DLGAP2: variants seen among roughly 807,000 people sequenced by gnomAD.
DLGAP2 encodes the protein DLG associated protein 2, also known as disks large-associated protein 2.
In DLGAP2, 26 loss-of-function variants were observed where a neutral mutation model predicts 100.3. The observed-to-expected ratio is 0.26, with a 90% CI of 0.19 to 0.36. The LOEUF is 0.36. DLGAP2 is among the 10% of genes least tolerant of loss of function. The pLI, the probability that DLGAP2 is intolerant of heterozygous loss-of-function variation, is 1.00. For missense variants in DLGAP2, 1,858 were observed against 1,453.2 expected, an observed-to-expected ratio of 1.28 and a Z score of -4.53; for synonymous variants, 886 against 630.1, an observed-to-expected ratio of 1.41 and a Z score of -6.08.
intron 3 of DLGAP2, among the ~76,000 whole-genome samples, chr8:1,447,498 T>C (rs909305550): frequency 6.6e-6 from 1 of 152,244 alleles, no homozygotes; most frequent in Non-Finnish European, 1.5e-5. Flanking sequence ...CAGTATTTTA[T>C]TGAGGATTTT....
At chr8:794,195 G>A (rs1393117777) in intron 1 of DLGAP2, among the ~76,000 whole-genome samples, 2 of 152,132 alleles carry the variant, frequency 1.3e-5, no homozygotes, top group Non-Finnish European at 2.9e-5. Context: ...TGGCCTGTGG[G>A]TGGGGCGTGT....
intron 4 of DLGAP2, among the ~76,000 whole-genome samples, chr8:1,545,886 C>T (rs150427997): frequency 1.3e-5 from 2 of 151,988 alleles, no homozygotes; most frequent in Non-Finnish European, 2.9e-5. Context: ...AAGTAGGATA[C>T]GTGAGTGGGG....
intron 3 of DLGAP2, among the ~76,000 whole-genome samples, chr8:1,335,025 A>T (rs1801243065): frequency 1.3e-5 from 2 of 152,134 alleles, no homozygotes; most frequent in Admixed American, 1.3e-4. Flanking sequence ...ATCTAAGTAA[A>T]TCGTAGCTGT....
At chr8:1,522,341 C>T (rs1441509855) in intron 4 of DLGAP2, among the ~76,000 whole-genome samples, 2 of 152,198 alleles carry the variant, frequency 1.3e-5, no homozygotes, top group African/African-American at 2.4e-5. Context: ...TTGCTGAAAG[C>T]CGAAACAGCT....
intron 2 of DLGAP2, among the ~76,000 whole-genome samples, chr8:1,141,249 C>T (rs1037063592): frequency 3.3e-5 from 5 of 152,202 alleles, no homozygotes; most frequent in East Asian, 1.9e-4. Flanking sequence ...GAAAGGTGTT[C>T]GTTTCAACTG....
intron 2 of DLGAP2, among the ~76,000 whole-genome samples, chr8:1,157,586 C>G (rs1796815516): frequency 6.6e-6 from 1 of 152,176 alleles, no homozygotes; most frequent in Non-Finnish European, 1.5e-5. Flanking sequence ...GCAAGACCAG[C>G]CAACGGTGGC....
At chr8:1,592,292 C>T (rs775160403) in intron 6 of DLGAP2, among the ~76,000 whole-genome samples, 10 of 152,256 alleles carry the variant, frequency 6.6e-5, no homozygotes, top group Middle Eastern at 3.4e-3. Flanking sequence ...TGATTATGTT[C>T]GATTATGTTC....
At chr8:851,349 G>A (rs77724653) in intron 1 of DLGAP2, among the ~76,000 whole-genome samples, 16,417 of 152,148 alleles carry the variant, frequency 0.11, 1,354 homozygotes, top group Admixed American at 0.26. Context: ...ATTGCTAAGC[G>A]ACGTATGACT....
At chr8:1,340,321 T>G (rs1275900719) in intron 3 of DLGAP2, among the ~76,000 whole-genome samples, 2 of 152,076 alleles carry the variant, frequency 1.3e-5, no homozygotes, top group Non-Finnish European at 2.9e-5. Flanking sequence ...GGGAGAAAAT[T>G]TTTGCAAATT....
chr8:1,203,155 T>A (rs778353823), intron 2 of DLGAP2, among the ~76,000 whole-genome samples: 57 of 152,186 alleles, frequency 3.7e-4, no homozygotes, highest in Non-Finnish European at 7.8e-4. Context: ...TGTTTTGAGG[T>A]CTGTTATTCC....
At chr8:1,436,056 G>A (rs1405355008) in intron 3 of DLGAP2, among the ~76,000 whole-genome samples, 1 of 152,128 alleles carries the variant, frequency 6.6e-6, no homozygotes, top group African/African-American at 2.4e-5. Flanking sequence ...ATGAGTCTGG[G>A]TTCTCTAGAG....
At chr8:1,360,242 T>C (rs1473216037) in intron 3 of DLGAP2, among the ~76,000 whole-genome samples, 1 of 135,328 alleles carries the variant, frequency 7.4e-6, no homozygotes, top group Non-Finnish European at 1.6e-5. Context: ...GGGGCGGGGC[T>C]TCTCCGGGGC....
chr8:1,598,081 C>T (rs1057351175), intron 6 of DLGAP2, among the ~76,000 whole-genome samples: 2 of 152,094 alleles, frequency 1.3e-5, no homozygotes, highest in African/African-American at 2.4e-5. Context: ...GAAGCAGTGT[C>T]GAATTTTATT....
intron 1 of DLGAP2, among the ~76,000 whole-genome samples, chr8:902,555 T>A (rs1456630028): frequency 3.5e-5 from 4 of 115,704 alleles, no homozygotes; most frequent in South Asian, 3.2e-4. Context: ...GAGCCGAGAA[T>A]CACAAGAAAA....
chr8:1,690,181 C>T lies in DLGAP2; in HGVS notation c.2705-1354C>T, dbSNP rs547350486. Among the ~76,000 whole-genome samples, 7 of 151,804 alleles carry T rather than the reference C, an allele frequency of 4.6e-5. No homozygotes were observed. The South Asian group carries it at 1.0e-3, about 23-fold the overall frequency. ...GACCAGCCTGGCCAACATGGTGAAACGCTGTCTCTACTAAAAATACAAAAA... is the reference window on the plus strand; with the variant it reads ...GACCAGCCTGGCCAACATGGTGAAATGCTGTCTCTACTAAAAATACAAAAA... On this transcript the variant is annotated intron_variant, in intron 12 of 14. Transcript: ENST00000637795.
chr8:813,404 G>A (rs1796407463), intron 1 of DLGAP2, among the ~76,000 whole-genome samples: 2 of 152,056 alleles, frequency 1.3e-5, no homozygotes, highest in Non-Finnish European at 2.9e-5. Context: ...ATATTATGTT[G>A]TGATTTAGAA....
In DLGAP2 at chr8:1,701,822, T is replaced by G; in HGVS notation, c.*416T>G. On this transcript the variant is annotated 3_prime_UTR_variant, in exon 15 of 15. Transcript: ENST00000637795. Reference sequence around the variant, plus strand: ...ACTATAAACGGGTGCATCCCACCACTCCCTGGAGGCATTAGACACCCAAGT... The same window carrying G: ...ACTATAAACGGGTGCATCCCACCACGCCCTGGAGGCATTAGACACCCAAGT... 1 of 171,940 alleles carries G rather than the reference T, an allele frequency of 5.8e-6. No individual in the cohort carries two copies. The highest frequency in any genetic ancestry group is 1.2e-5 in the Non-Finnish European group (1 of 81,794). The allele number at this position is 171,940 out of a possible 1,614,324, so 10.7% of individuals were successfully genotyped here.
intron 2 of DLGAP2, among the ~76,000 whole-genome samples, chr8:1,037,106 C>G (rs777393317): frequency 4.6e-5 from 7 of 151,960 alleles, no homozygotes; most frequent in Non-Finnish European, 7.4e-5. Flanking sequence ...CAGTGTGGCT[C>G]CTGCCCATGG....
intron 2 of DLGAP2, among the ~76,000 whole-genome samples, chr8:1,245,829 G>A (rs993432215): frequency 6.6e-6 from 1 of 152,198 alleles, no homozygotes; most frequent in Non-Finnish European, 1.5e-5. Flanking sequence ...CATACTTTGT[G>A]CACAGTGGCA....
Sources: allele counts gnomAD v4.1 joint callset (sites outside exome capture counted in the v4.1 genomes callset), GRCh38; gene constraint gnomAD v4.1.1; transcripts MANE v1.5; gene names NCBI Gene and HGNC (gene_info 2026-07-23, HGNC 2026-07-21).